The following COG3 variants were observed in gnomAD, a reference collection of about 807,000 sequenced individuals.
COG3 encodes component of oligomeric golgi complex 3, also known as conserved oligomeric Golgi complex subunit 3.
Under a neutral mutation model 114.1 loss-of-function variants are expected in COG3, and 32 were observed. The ratio of observed to expected loss-of-function variants is 0.28; its 90% CI spans 0.21 to 0.38. The LOEUF (loss-of-function observed/expected upper bound fraction) is 0.38, where lower values mean the gene tolerates loss of function less well. COG3 is among the 10% of genes least tolerant of loss of function. COG3 has a pLI of 1.00. For synonymous variants in COG3, 352 were observed against 365.7 expected (o/e 0.96, Z 0.43); for missense variants, 813 against 973.2 (o/e 0.84, Z 2.19).
At position 45,518,766 on chromosome 13, in the gene COG3, A is replaced by G. The variant is rs1437991167; in HGVS notation, c.1935A>G (p.Ala645=). 2.5e-6 allele frequency: 4 copies of G among 1,611,334 alleles called. No individual in the cohort carries two copies. The highest frequency in any genetic ancestry group is 3.4e-5 in the Admixed American group (2 of 59,570). Residue 645 remains alanine, a synonymous_variant, in exon 18 of 23, where the codon GCA becomes GCG. Coordinates refer to ENST00000349995, the MANE Select transcript of COG3 (RefSeq NM_031431.4). ...ISLDLKKTRD[A]AFKILNPMTV... ...ATGAGTAATTTTGTTTCACAGATGC[A>G]GCATTTAAAATCCTGAACCCTATGA...
chr13:45,534,537 A>T, intron 22 of COG3, 165 bp from the exon 23 acceptor site: 1 of 427,988 alleles, frequency 2.3e-6, no homozygotes, highest in Non-Finnish European at 4.1e-6. Context: ...TTTATTTTTC[A>T]ACTTTTATTT....
chr13:45,531,208 C>G (rs752851439), intron 22 of COG3: 9 of 298,876 alleles, frequency 3.0e-5, no homozygotes, highest in Non-Finnish European at 4.5e-5. Flanking sequence ...TGGTGATTTG[C>G]AAGATTTTGG....
At chr13:45,493,577 T>C (rs938258561) in intron 12 of COG3, 91 bp downstream of exon 12, 6 of 1,121,832 alleles carry the variant, frequency 5.3e-6, no homozygotes, top group Non-Finnish European at 6.2e-6. Context: ...CCCCACTAAA[T>C]AGATAAATTT....
At chr13:45,532,693 C>T (rs1363058274) in intron 22 of COG3, among the ~76,000 whole-genome samples, 1 of 151,528 alleles carries the variant, frequency 6.6e-6, no homozygotes, top group Non-Finnish European at 1.5e-5. Context: ...CCTCAGCCTC[C>T]CAAGTAGCTG....
intron 1 of COG3, among the ~76,000 whole-genome samples, chr13:45,474,922 T>G (rs909501510): frequency 1.9e-4 from 26 of 138,998 alleles, no homozygotes; most frequent in African/African-American, 7.1e-4. Context: ...AGCATCTACT[T>G]TCCCTTTGTT....
At position 45,479,211 on chromosome 13, in the gene COG3, A is replaced by G. The variant is rs1011915086; in HGVS notation, c.383+145A>G. Reference sequence around the variant, plus strand: ...TATTCTTTAAGAATAGCCAGTGAGAAGATTTGGGTCTTTAAAACTGTTATT... The same window carrying G: ...TATTCTTTAAGAATAGCCAGTGAGAGGATTTGGGTCTTTAAAACTGTTATT... On this transcript the variant is annotated intron_variant, in intron 3 of 22. Coordinates refer to ENST00000349995, the MANE Select transcript of COG3 (RefSeq NM_031431.4). 1.4e-5 allele frequency: 9 copies of G among 628,518 alleles called. No homozygotes were observed. In the African/African-American group the frequency reaches 1.7e-4, roughly 12 times the overall value. 38.9% of individuals were successfully genotyped at this position (628,518 alleles called of 1,614,324 possible).
chr13:45,513,269 TTATATATAATATATA>T (rs1871115352), intron 16 of COG3, among the ~76,000 whole-genome samples: 7 of 36,484 alleles, frequency 1.9e-4, no homozygotes, highest in African/African-American at 9.5e-4. Flanking sequence ...TACATATAAA[TTATATATAATATATA>T]CATATAAATT....
chr13:45,476,854 CTCTT>C (rs1373257371), intron 2 of COG3, among the ~76,000 whole-genome samples: 1 of 152,148 alleles, frequency 6.6e-6, no homozygotes, highest in East Asian at 1.9e-4. Context: ...TCCTTGTCTC[CTCTT>C]TCTTTTCCTA....
At chr13:45,465,235 C>A in intron 1 of COG3, 25 bp downstream of exon 1, 1 of 1,610,110 alleles carries the variant, frequency 6.2e-7, no homozygotes. Context: ...AGGAACCGGG[C>A]CGGGGCGATG....
chr13:45,475,328 G>A (rs1039385405), intron 1 of COG3, among the ~76,000 whole-genome samples: 1 of 151,990 alleles, frequency 6.6e-6, no homozygotes, highest in Admixed American at 6.6e-5. Context: ...CTCCCAAGTT[G>A]CTGGACCACA....
At chr13:45,465,289 A>C (rs1885063054) in intron 1 of COG3, 79 bp downstream of exon 1, 1 of 1,544,936 alleles carries the variant, frequency 6.5e-7, no homozygotes, top group African/African-American at 1.4e-5. Context: ...CCCCGGCCTC[A>C]CTAGCCTCTG....
rs386379016 is a variant in COG3, at chr13:45,526,076, ATTTTTTTTTTTTTT to A, written c.2230+1042_2230+1055del. ...GCTATTCAAAGCCTCCAAAATTTTA[ATTTTTTTTTTTTTT>A]TTTTTTTTTTTTTTTTGAGATGGAG... On this transcript the variant is annotated intron_variant, in intron 20 of 22. Transcript: ENST00000349995. 4.2e-4 allele frequency among the ~76,000 whole-genome samples: 24 copies of A among 56,584 alleles called. No individual in the cohort carries two copies. The East Asian group carries it at 0.012, about 29-fold the overall frequency. 37.1% of individuals were successfully genotyped at this position (56,584 alleles called of 152,430 possible).
intron 20 of COG3, among the ~76,000 whole-genome samples, chr13:45,525,634 G>GTTTTTTTTTTTTTTTTTTTTTTTT (rs59577529): frequency 3.5e-5 from 2 of 56,644 alleles, no homozygotes; most frequent in African/African-American, 7.7e-5. Context: ...AGGGCTTTGG[G>GTTTTTTTTTTTTTTTTTTTTTTTT]TTTTTTTTTT....
intron 19 of COG3, among the ~76,000 whole-genome samples, chr13:45,524,220 C>A (rs890281228): frequency 6.6e-6 from 1 of 152,238 alleles, no homozygotes; most frequent in Non-Finnish European, 1.5e-5. Context: ...AGGCCAAAGC[C>A]ATGGACTGCA....
At chr13:45,510,680 C>A (rs1292829066) in intron 15 of COG3, among the ~76,000 whole-genome samples, 1 of 152,156 alleles carries the variant, frequency 6.6e-6, no homozygotes, top group Non-Finnish European at 1.5e-5. Flanking sequence ...GGTCACTATG[C>A]CAGTTTTGTC....
In COG3 at chr13:45,465,074, C is replaced by T; in HGVS notation, c.38C>T (p.Ala13Val). Reference protein sequence around the residue: ...EAALLLLPEAAAERDAREKLA... With the variant: ...EAALLLLPEAVAERDAREKLA... ...GCGCTGTTGCTGCTGCCTGAGGCGGCGGCGGAGCGGGACGCTAGGGAAAAG... is the reference window on the plus strand; with the variant it reads ...GCGCTGTTGCTGCTGCCTGAGGCGGTGGCGGAGCGGGACGCTAGGGAAAAG... Residue 13 changes from alanine to valine, a missense_variant, in exon 1 of 23, where the codon GCG becomes GTG. Transcript: ENST00000349995. The T allele has an allele frequency of 1.9e-6, 3 of 1,600,870 alleles. No homozygotes were observed. The highest frequency in any genetic ancestry group is 2.3e-5 in the East Asian group (1 of 44,342).
chr13:45,516,202 T>G lies in COG3; in HGVS notation c.1869T>G (p.Ile623Met). 6.2e-7 allele frequency: 1 copy of G among 1,602,094 alleles called. No homozygotes were observed. Among genetic ancestry groups the G allele is most frequent in the Non-Finnish European group, 8.5e-7 (1 of 1,171,266 alleles). ...IKHLLILREQIAPFHTEFTIK... is the reference protein window; with the variant it reads ...IKHLLILREQMAPFHTEFTIK... ...ACCTTTTGATACTTCGTGAACAAAT[T>G]GCTCCATTTCACACTGAATTCACCA... is the stretch of plus-strand genomic sequence containing the variant. The change falls in exon 17 of 23, where the codon ATT (isoleucine) becomes ATG (methionine). Residue 623 changes from isoleucine (I) to methionine (M), a missense_variant. Around this residue, in one of 2 missense-constraint regions of COG3, gnomAD observed 389 missense variants for 542.6 expected, o/e 0.72. Transcript: ENST00000349995.
At position 45,478,993 on chromosome 13, in the gene COG3, C is replaced by G. The variant is rs749772492; in HGVS notation, c.322-12C>G. 3 of 1,602,064 alleles carry G rather than the reference C, an allele frequency of 1.9e-6. No homozygotes were observed. Among genetic ancestry groups the G allele is most frequent in the Admixed American group, 3.4e-5 (2 of 59,080 alleles). Reference sequence around the variant, plus strand: ...TTAGTTTTGTTCACAATATAATACTCTGTTTTTCCAGTTTTTCTCATGGTT... The same window carrying G: ...TTAGTTTTGTTCACAATATAATACTGTGTTTTTCCAGTTTTTCTCATGGTT... On this transcript the variant is annotated splice_polypyrimidine_tract_variant and intron_variant, in intron 2 of 22. Coordinates refer to ENST00000349995, the MANE Select transcript of COG3 (RefSeq NM_031431.4).
In COG3 at chr13:45,535,822, C is replaced by A. The variant is rs1239313846; in HGVS notation, c.*1091C>A. Reference sequence around the variant, plus strand: ...TATCTATGAATTTTCCAACAAATTCCTACTTCCTGATTGGATTGGTTTTGC... The same window carrying A: ...TATCTATGAATTTTCCAACAAATTCATACTTCCTGATTGGATTGGTTTTGC... On this transcript the variant is annotated 3_prime_UTR_variant, in exon 23 of 23. Coordinates refer to ENST00000349995, the MANE Select transcript of COG3 (RefSeq NM_031431.4). 1.0e-6 allele frequency: 1 copy of A among 987,456 alleles called. No individual in the cohort carries two copies. Among genetic ancestry groups the A allele is most frequent in the African/African-American group, 1.7e-5 (1 of 57,282 alleles). 61.2% of individuals were successfully genotyped at this position (987,456 alleles called of 1,614,324 possible). A position where few individuals can be genotyped will look rare whatever the true frequency, so the allele number is the denominator to read the frequency against.
Sources: allele counts gnomAD v4.1 joint callset (sites outside exome capture counted in the v4.1 genomes callset), GRCh38; gene constraint gnomAD v4.1.1; regional missense constraint gnomAD v4.1.1; transcripts MANE v1.5; gene names NCBI Gene and HGNC (gene_info 2026-07-23, HGNC 2026-07-21).